Variants in VWA8 observed in about 807,000 individuals in gnomAD.
The protein encoded by VWA8 is von Willebrand factor A domain-containing protein 8.
VWA8 carries 221 observed loss-of-function variants against 241.5 expected under a neutral mutation model. That is an observed-to-expected ratio of 0.91 (90% CI 0.82 to 1.02). VWA8 has a LOEUF of 1.02. Among genes scored for constraint, VWA8 ranks in the 50% least tolerant of loss-of-function variants. VWA8 has a pLI of 0.00. For missense variants in VWA8, 2,322 were observed against 2,328.7 expected (o/e 1.00, Z 0.06); for synonymous variants, 852 against 827.1 (o/e 1.03, Z -0.52).
intron 37 of VWA8, among the ~76,000 whole-genome samples, chr13:41,652,534 T>C (rs1343074829): frequency 6.6e-6 from 1 of 152,208 alleles, no homozygotes; most frequent in East Asian, 1.9e-4. Flanking sequence ...CTTTGATGTG[T>C]ATCTTTTAGT....
intron 15 of VWA8, among the ~76,000 whole-genome samples, chr13:41,818,749 A>G (rs1478907211): frequency 6.6e-6 from 1 of 152,192 alleles, no homozygotes; most frequent in Non-Finnish European, 1.5e-5. Flanking sequence ...CAGTCTTGAG[A>G]GACCAGGACT....
intron 26 of VWA8, among the ~76,000 whole-genome samples, chr13:41,705,874 A>G (rs1254683368): frequency 6.6e-6 from 1 of 152,188 alleles, no homozygotes; most frequent in African/African-American, 2.4e-5. Flanking sequence ...AAATATCTAT[A>G]GTTACCAACA....
chr13:41,869,872 C>T (rs1458478726), intron 9 of VWA8, among the ~76,000 whole-genome samples: 1 of 151,990 alleles, frequency 6.6e-6, no homozygotes, highest in African/African-American at 2.4e-5. Context: ...ATTAAATAGG[C>T]AGAAATTAAC....
intron 26 of VWA8, among the ~76,000 whole-genome samples, chr13:41,704,552 C>G (rs1593708094): frequency 6.6e-6 from 1 of 151,564 alleles, no homozygotes; most frequent in South Asian, 2.1e-4. Flanking sequence ...CATCCTTGAA[C>G]TCCTGGACTC....
intron 21 of VWA8, 121 bp from the exon 22 acceptor site, chr13:41,732,276 C>T: frequency 1.4e-6 from 1 of 726,778 alleles, no homozygotes; most frequent in Non-Finnish European, 2.2e-6. Context: ...GCTTCCCCTT[C>T]CCCCACCAAA....
chr13:41,601,566 G>T (rs1005230481), intron 40 of VWA8, among the ~76,000 whole-genome samples: 5 of 152,096 alleles, frequency 3.3e-5, no homozygotes, highest in Non-Finnish European at 7.4e-5. Context: ...AAATCAAGTG[G>T]TTTTTTGTAA....
At chr13:41,621,387 C>T (rs2044656279) in intron 37 of VWA8, among the ~76,000 whole-genome samples, 1 of 152,088 alleles carries the variant, frequency 6.6e-6, no homozygotes, top group South Asian at 2.1e-4. Context: ...GGGATGTAAG[C>T]CCGTTGTAAG....
intron 2 of VWA8, among the ~76,000 whole-genome samples, chr13:41,927,788 TTATC>T (rs1283743726): frequency 1.3e-5 from 2 of 152,124 alleles, no homozygotes; most frequent in African/African-American, 2.4e-5. Context: ...TGTAAATAAA[TTATC>T]TAAGAGTGGC....
intron 36 of VWA8, among the ~76,000 whole-genome samples, chr13:41,672,035 C>T (rs553956724): frequency 5.3e-5 from 8 of 152,180 alleles, no homozygotes; most frequent in South Asian, 4.1e-4. Flanking sequence ...TGACAGTGGA[C>T]GACACTAGCT....
chr13:41,915,650 T>G (rs1211475178), intron 2 of VWA8, among the ~76,000 whole-genome samples: 3 of 152,188 alleles, frequency 2.0e-5, no homozygotes, highest in Non-Finnish European at 4.4e-5. Context: ...TCCTTTACCT[T>G]CTGAAAGATA....
chr13:41,715,747 C>T (rs1361838371), intron 26 of VWA8, among the ~76,000 whole-genome samples: 1 of 151,842 alleles, frequency 6.6e-6, no homozygotes, highest in Non-Finnish European at 1.5e-5. Context: ...ATTTAAAATT[C>T]AAGAGTTTCA....
Position 41,729,544 on chromosome 13 carries a change from G to A in VWA8, c.2636C>T (p.Ala879Val), listed in dbSNP as rs753128797. The stretch of plus-strand genomic sequence containing the variant: ...ACATTGCTTTCTAAAATACTCACTT[G>A]CAACAATGCGTCTTCCATCTGCTAG... ...MILADGRRIV[A>V]NSANVNGREN... Residue 879 changes from alanine to valine, a missense_variant and splice_region_variant, in exon 23 of 45, where the codon GCA becomes GTA. Coordinates refer to ENST00000379310, the MANE Select transcript of VWA8 (RefSeq NM_015058.2). 6.2e-7 allele frequency: 1 copy of A among 1,609,540 alleles called. No individual in the cohort carries two copies. Among genetic ancestry groups the A allele is most frequent in the South Asian group, 1.1e-5 (1 of 89,878 alleles).
chr13:41,762,009 G>A (rs528999109), intron 20 of VWA8, among the ~76,000 whole-genome samples: 1 of 152,184 alleles, frequency 6.6e-6, no homozygotes, highest in East Asian at 1.9e-4. Flanking sequence ...AACTCTTACT[G>A]ATTCTTATAT....
chr13:41,815,499 C>T (rs1465382330), intron 16 of VWA8, among the ~76,000 whole-genome samples: 2 of 152,126 alleles, frequency 1.3e-5, no homozygotes, highest in African/African-American at 4.8e-5. Flanking sequence ...TTGACACAAA[C>T]ACAGGGGAGA....
chr13:41,906,419 T>C (rs1220539356), intron 4 of VWA8, among the ~76,000 whole-genome samples: 1 of 152,128 alleles, frequency 6.6e-6, no homozygotes, highest in Non-Finnish European at 1.5e-5. Flanking sequence ...CATATATGCA[T>C]TTCTTGTCTT....
intron 22 of VWA8, 92 bp downstream of exon 22, chr13:41,731,988 C>A: frequency 2.8e-6 from 3 of 1,077,190 alleles, no homozygotes; most frequent in Non-Finnish European, 4.1e-6. Flanking sequence ...CAGACTAATA[C>A]GTAATCCATG....
At chr13:41,661,794 C>G (rs1458542100) in intron 37 of VWA8, among the ~76,000 whole-genome samples, 3 of 152,028 alleles carry the variant, frequency 2.0e-5, no homozygotes, top group Non-Finnish European at 4.4e-5. Context: ...TATTCCTGGG[C>G]TTGTAACTAT....
intron 37 of VWA8, among the ~76,000 whole-genome samples, chr13:41,621,030 T>C (rs1399875096): frequency 6.6e-6 from 1 of 152,176 alleles, no homozygotes; most frequent in Non-Finnish European, 1.5e-5. Context: ...GGTACAATTA[T>C]ATAATAATGA....
intron 37 of VWA8, among the ~76,000 whole-genome samples, chr13:41,630,559 T>C (rs549621043): frequency 6.6e-6 from 1 of 152,228 alleles, no homozygotes; most frequent in South Asian, 2.1e-4. Flanking sequence ...TCTATCTAGA[T>C]GTTCTGAAAC....
Sources: gnomAD v4.1 joint callset for allele counts (sites outside exome capture counted in the v4.1 genomes callset) on GRCh38, gnomAD v4.1.1 for gene constraint, MANE v1.5 for transcripts, NCBI Gene and HGNC (gene_info 2026-07-23, HGNC 2026-07-21) for gene names.